ASAP2: variants seen among roughly 807,000 people sequenced by gnomAD.
ASAP2 encodes arf-GAP with SH3 domain, ANK repeat and PH domain-containing protein 2.
A neutral mutation model predicts 131.4 loss-of-function variants in ASAP2; 45 were observed. That is an observed-to-expected ratio of 0.34 (90% CI 0.27 to 0.44). The LOEUF is 0.44. Among genes scored for constraint, ASAP2 ranks in the 20% least tolerant of loss-of-function variants. The pLI, the probability that ASAP2 is intolerant of heterozygous loss-of-function variation, is 1.00. For missense variants in ASAP2, 1,011 were observed against 1,297.0 expected, an observed-to-expected ratio of 0.78 and a Z score of 3.39; for synonymous variants, 510 against 503.0, an observed-to-expected ratio of 1.01 and a Z score of -0.19.
At chr2:9,220,415 A>G (rs1487528998) in intron 1 of ASAP2, among the ~76,000 whole-genome samples, 1 of 152,138 alleles carries the variant, frequency 6.6e-6, no homozygotes, top group Non-Finnish European at 1.5e-5. Context: ...TATTACACCC[A>G]TCTTAGTGGG....
chr2:9,306,937 C>T (rs1407191754), intron 3 of ASAP2, among the ~76,000 whole-genome samples: 3 of 152,062 alleles, frequency 2.0e-5, no homozygotes, highest in Non-Finnish European at 2.9e-5. Flanking sequence ...TCTTAGAATT[C>T]CAGCCTCTCG....
chr2:9,397,358 C>G (rs1309625948), intron 24 of ASAP2, among the ~76,000 whole-genome samples: 1 of 152,138 alleles, frequency 6.6e-6, no homozygotes, highest in African/African-American at 2.4e-5. Context: ...GGACAGGTTT[C>G]CTCTGGAACA....
chr2:9,344,196 G>A (rs79349755), intron 9 of ASAP2, among the ~76,000 whole-genome samples: 94 of 152,248 alleles, frequency 6.2e-4, no homozygotes, highest in African/African-American at 2.0e-3. Flanking sequence ...CTCCCTCCTC[G>A]AGGGCTACTG....
At chr2:9,228,077 T>C (rs1662905343) in intron 1 of ASAP2, among the ~76,000 whole-genome samples, 1 of 152,208 alleles carries the variant, frequency 6.6e-6, no homozygotes, top group East Asian at 1.9e-4. Context: ...TAATTATAAT[T>C]GAAATGGAAT....
intron 7 of ASAP2, among the ~76,000 whole-genome samples, chr2:9,328,613 G>T (rs149291290): frequency 6.6e-6 from 1 of 152,190 alleles, no homozygotes; most frequent in Non-Finnish European, 1.5e-5. Flanking sequence ...AGGATTCCAC[G>T]TGCAGGGGCT....
At chr2:9,328,755 C>T (rs1186007899) in intron 7 of ASAP2, among the ~76,000 whole-genome samples, 1 of 152,186 alleles carries the variant, frequency 6.6e-6, no homozygotes, top group Non-Finnish European at 1.5e-5. Context: ...CCACCCAACA[C>T]ACATGTCAGG....
intron 1 of ASAP2, among the ~76,000 whole-genome samples, chr2:9,269,370 G>A (rs905275689): frequency 3.3e-5 from 5 of 152,144 alleles, no homozygotes; most frequent in East Asian, 1.9e-4. Context: ...CTTAGCTCAC[G>A]GTTGGATAAA....
chr2:9,241,586 A>G (rs1300128251), intron 1 of ASAP2, among the ~76,000 whole-genome samples: 2 of 152,194 alleles, frequency 1.3e-5, no homozygotes, highest in Non-Finnish European at 2.9e-5. Context: ...TTACCCAGGC[A>G]TGGTGGCGCC....
At position 9,378,848 on chromosome 2, in the gene ASAP2, T is replaced by C. The variant is rs933910954; in HGVS notation, c.1833-96T>C. On this transcript the variant is annotated intron_variant, in intron 18 of 27. Coordinates refer to ENST00000281419, the MANE Select transcript of ASAP2 (RefSeq NM_003887.3). Reference sequence around the variant, plus strand: ...ACCGTTCACTCGGGGACTGTCTGCCTTTCCTGTGCCCGTAGCCCAGGCTCC... The same window carrying C: ...ACCGTTCACTCGGGGACTGTCTGCCCTTCCTGTGCCCGTAGCCCAGGCTCC... The C allele has an allele frequency of 4.8e-6, 4 of 826,016 alleles. No homozygotes were observed. In the Admixed American group the frequency reaches 1.3e-4, roughly 26 times the overall value. 51.2% of individuals were successfully genotyped at this position (826,016 alleles called of 1,614,324 possible).
In ASAP2 at chr2:9,353,788, C is replaced by T. The variant is rs148668216; in HGVS notation, c.1112-2259C>T. On this transcript the variant is annotated intron_variant, in intron 12 of 27. Coordinates refer to ENST00000281419, the MANE Select transcript of ASAP2 (RefSeq NM_003887.3). ...AAGATGTTCCTTTACCATCCTTGCT[C>T]CTAAACAGGGGCTTCCCATTCTCAT... Among the ~76,000 whole-genome samples the T allele has an allele frequency of 3.7e-3, 565 of 152,136 alleles. 3 individuals are homozygous for T. The highest frequency in any genetic ancestry group is 0.013 in the African/African-American group (535 of 41,512).
intron 27 of ASAP2, 56 bp downstream of exon 27, chr2:9,401,452 C>T: frequency 6.3e-7 from 1 of 1,592,934 alleles, no homozygotes; most frequent in African/African-American, 1.3e-5. Context: ...TCCCTGCCCA[C>T]CTGGCTGGAG....
chr2:9,308,153 A>G (rs1669068240), intron 3 of ASAP2, among the ~76,000 whole-genome samples: 2 of 152,324 alleles, frequency 1.3e-5, no homozygotes, highest in Admixed American at 6.5e-5. Flanking sequence ...CATATATAAC[A>G]TATGTTTAAT....
chr2:9,306,525 A>G (rs1443867643), intron 3 of ASAP2, among the ~76,000 whole-genome samples: 1 of 151,776 alleles, frequency 6.6e-6, no homozygotes, highest in Non-Finnish European at 1.5e-5. Context: ...AAGGGTTCCT[A>G]GGGTGAGAGG....
intron 6 of ASAP2, among the ~76,000 whole-genome samples, chr2:9,324,202 T>C (rs917894877): frequency 1.3e-5 from 2 of 152,334 alleles, no homozygotes; most frequent in Admixed American, 1.3e-4. Flanking sequence ...TGTATGTTTG[T>C]TAATTGTAGC....
At chr2:9,271,352 A>G (rs193125031) in intron 1 of ASAP2, 6 of 1,163,218 alleles carry the variant, frequency 5.2e-6, no homozygotes, top group Non-Finnish European at 6.5e-6. Context: ...CTGGCATAAT[A>G]TATGTTCTTG....
chr2:9,239,026 C>G (rs1663755697), intron 1 of ASAP2, among the ~76,000 whole-genome samples: 1 of 152,276 alleles, frequency 6.6e-6, no homozygotes, highest in East Asian at 1.9e-4. Context: ...TCCCTCCCAG[C>G]CCCTCTCTGT....
intron 3 of ASAP2, 108 bp downstream of exon 3, chr2:9,297,553 C>T (rs1410960554): frequency 1.5e-6 from 2 of 1,297,634 alleles, no homozygotes; most frequent in Non-Finnish European, 2.1e-6. Context: ...TTCATAGTTC[C>T]TTGGGTACCC....
Position 9,400,837 on chromosome 2 carries a change from G to A in ASAP2, c.2823+7G>A, listed in dbSNP as rs764742198. 2 of 1,612,324 alleles carry A rather than the reference G, an allele frequency of 1.2e-6. No homozygotes were observed. The highest frequency in any genetic ancestry group is 2.2e-5 in the South Asian group (2 of 91,044). On this transcript the variant is annotated splice_region_variant and intron_variant, in intron 26 of 27. Coordinates refer to ENST00000281419, the MANE Select transcript of ASAP2 (RefSeq NM_003887.3). Reference sequence around the variant, plus strand: ...GCCTAGGAAGTCGCAGGCAGTAAGTGACGAGCCCCCTTTCCTGCCTCTCTG... The same window carrying A: ...GCCTAGGAAGTCGCAGGCAGTAAGTAACGAGCCCCCTTTCCTGCCTCTCTG...
intron 15 of ASAP2, among the ~76,000 whole-genome samples, chr2:9,364,387 G>A (rs1168811910): frequency 6.6e-6 from 1 of 152,084 alleles, no homozygotes; most frequent in Non-Finnish European, 1.5e-5. Flanking sequence ...CATGCCTGTG[G>A]TCCTAGCTAT....
Sources: gnomAD v4.1 joint callset for allele counts (sites outside exome capture counted in the v4.1 genomes callset) on GRCh38, gnomAD v4.1.1 for gene constraint, MANE v1.5 for transcripts, NCBI Gene and HGNC (gene_info 2026-07-23, HGNC 2026-07-21) for gene names.